Variants in ABCA2 observed in about 807,000 individuals in gnomAD.
ABCA2 encodes the protein ATP-binding cassette sub-family A member 2.
Under a neutral mutation model 262.8 loss-of-function variants are expected in ABCA2, and 84 were observed. The ratio of observed to expected loss-of-function variants is 0.32; its 90% CI spans 0.27 to 0.38. The LOEUF (loss-of-function observed/expected upper bound fraction) is 0.38. Ranked by LOEUF, ABCA2 falls within the 10% of genes least tolerant of loss-of-function variation. The pLI, the probability that ABCA2 is intolerant of heterozygous loss-of-function variation, is 1.00. For missense variants in ABCA2, 2,662 were observed against 3,405.9 expected, an observed-to-expected ratio of 0.78 and a Z score of 5.44; for synonymous variants, 1,696 against 1,502.9, an observed-to-expected ratio of 1.13 and a Z score of -2.97.
At position 137,010,013 on chromosome 9, in the gene ABCA2, C is replaced by G; in HGVS notation, c.6465G>C (p.Leu2155=). 1 of 1,598,720 alleles carries G rather than the reference C, an allele frequency of 6.3e-7. No homozygotes were observed. The highest frequency in any genetic ancestry group is 8.5e-7 in the Non-Finnish European group (1 of 1,174,088). The change falls in exon 42 of 49, where the codon CTG becomes CTC. Residue 2155 remains leucine (L), a synonymous_variant. Transcript: ENST00000341511. ...CCTCGTCCTTCCAGGAGATCCCACG[C>G]AGCCGCGTGTACAGCTGCAGGTGCT... ...AREHLQLYTR[L]RGISWKDEAR...
chr9:137,017,287 A>G lies in ABCA2; in HGVS notation c.2462T>C (p.Ile821Thr). 6.2e-7 allele frequency: 1 copy of G among 1,612,646 alleles called. No individual in the cohort carries two copies. Among genetic ancestry groups the G allele is most frequent in the African/African-American group, 1.3e-5 (1 of 75,016 alleles). The change falls in exon 18 of 49, where the codon ATC becomes ACC. Residue 821 changes from isoleucine to threonine, a missense_variant. Physicochemically the swap from Ile to Thr is moderately conservative, Grantham distance 89. Transcript: ENST00000341511. ...AKLASACGGI[I>T]YFLSYVPYMY... Reference sequence around the variant, plus strand: ...GTAGGGCACGTAGCTCAGGAAGTAGATGATGCCACCGCAGGCCGAGGCCAG... The same window carrying G: ...GTAGGGCACGTAGCTCAGGAAGTAGGTGATGCCACCGCAGGCCGAGGCCAG...
rs1237050506 is a variant in ABCA2 at position 137,022,928 on chromosome 9, G to C, written c.275+13C>G. ...GGAGGGGTGGGTGCTCCGAGGGGCG[G>C]GTGGGCACTCACGTGGAGTTGGCGT... On this transcript the variant is annotated intron_variant, in intron 4 of 48. Transcript: ENST00000341511. 1 of 1,565,928 alleles carries C rather than the reference G, an allele frequency of 6.4e-7. No individual in the cohort carries two copies. Among genetic ancestry groups the C allele is most frequent in the Middle Eastern group, 1.7e-4 (1 of 5,850 alleles).
rs759264367 is a variant in ABCA2 at position 137,018,846 on chromosome 9, G to C, written c.1723-31C>G. The C allele has an allele frequency of 1.9e-6, 3 of 1,612,442 alleles. No homozygotes were observed. In the Admixed American group the frequency reaches 5.0e-5, roughly 27 times the overall value. ...GGGAGGGGCATCGCTGGAGCCCGCC[G>C]TGGGCATGTGCGAGGCAGGGGGTGT... On this transcript the variant is annotated intron_variant, in intron 12 of 48. Coordinates refer to ENST00000341511, the MANE Select transcript of ABCA2 (RefSeq NM_001606.5).
At chr9:137,020,243 A>G (rs1451157616) in intron 10 of ABCA2, 93 bp downstream of exon 10, 3 of 1,559,770 alleles carry the variant, frequency 1.9e-6, no homozygotes, top group Non-Finnish European at 2.6e-6. Context: ...TCCCGTGTCA[A>G]TTCTGCCGAC....
rs779520492 is a variant in ABCA2, at chr9:137,022,345, C to A, written c.567+6G>T. 1 of 1,598,718 alleles carries A rather than the reference C, an allele frequency of 6.3e-7. No homozygotes were observed. The highest frequency in any genetic ancestry group is 1.7e-5 in the Admixed American group (1 of 57,904). ...TGGCCAGGGCTGGGAGCTGTCCCTG[C>A]CTTACCTCGGGCGGGTCCACACGGG... On this transcript the variant is annotated splice_donor_region_variant and intron_variant, in intron 6 of 48. Transcript: ENST00000341511.
At position 137,009,850 on chromosome 9, in the gene ABCA2, C is replaced by T. The variant is rs200580242; in HGVS notation, c.6549G>A (p.Pro2183=). The change falls in exon 43 of 49, where the codon CCG becomes CCA. Residue 2183 remains proline, a synonymous_variant. Transcript: ENST00000341511. ...TGTTGCCGCCGCTGTAGGTGCCAGC[C>T]GGCTTGTCTGCGTACTTGGTCAGCT... ...KLELTKYADK[P]AGTYSGGNKR... 2.9e-5 allele frequency: 47 copies of T among 1,612,450 alleles called. No homozygotes were observed. Among genetic ancestry groups the T allele is most frequent in the African/African-American group, 6.7e-5 (5 of 75,052 alleles).
In ABCA2 at chr9:137,020,981, G is replaced by A; in HGVS notation, c.978C>T (p.Asp326=). The stretch of plus-strand genomic sequence containing the variant: ...GCAGAACCTTCTGGGCATCCAGCAG[G>A]TCCCCCAGAAGCGCCTGCAGCCTCC... ...PPRRLQALLG[D]LLDAQKVLQD... Residue 326 remains aspartate, a synonymous_variant, in exon 9 of 49, where the codon GAC becomes GAT. Transcript: ENST00000341511. The A allele has an allele frequency of 2.0e-6, 3 of 1,536,542 alleles. No homozygotes were observed.
chr9:137,025,082 C>A (rs1831607664), intron 1 of ABCA2, among the ~76,000 whole-genome samples: 1 of 152,240 alleles, frequency 6.6e-6, no homozygotes, highest in South Asian at 2.1e-4. Context: ...CCAAAGGCAC[C>A]TCTTTCTGCC....
intron 23 of ABCA2, 21 bp downstream of exon 23, chr9:137,015,654 C>T (rs1831232265): frequency 1.2e-6 from 2 of 1,609,714 alleles, no homozygotes; most frequent in Non-Finnish European, 1.7e-6. Context: ...CGCACCCCTG[C>T]CCACACGGCA....
rs780992044 is a variant in ABCA2, at chr9:137,008,967, G to A, written c.6914C>T (p.Pro2305Leu). The change falls in exon 46 of 49, where the codon CCG (proline) becomes CTG (leucine). Residue 2305 changes from proline (P) to leucine (L), a missense_variant. By Grantham distance (98) the Pro-to-Leu change is moderately conservative (BLOSUM62 -3). This residue lies in a region of ABCA2 where 212 missense variants were observed against 214.4 expected (regional missense o/e 0.99). Coordinates refer to ENST00000341511, the MANE Select transcript of ABCA2 (RefSeq NM_001606.5). The stretch of plus-strand genomic sequence containing the variant: ...ACGGCGCACCTTGAGCATGGCTTCC[G>A]GGAAGTTGCGGTTGAAGAACCGCAC... ...DVVRFFNRNF[P>L]EAMLKERHHT... 1.9e-6 allele frequency: 3 copies of A among 1,557,616 alleles called. No individual in the cohort carries two copies. Among genetic ancestry groups the A allele is most frequent in the Non-Finnish European group, 2.6e-6 (3 of 1,160,476 alleles).
intron 48 of ABCA2, chr9:137,008,169 C>T (rs1830899445): frequency 3.7e-6 from 3 of 814,170 alleles, no homozygotes; most frequent in African/African-American, 1.7e-5. Context: ...TCCCCTGTTC[C>T]CCGGCTCTGG....
Position 137,007,778 on chromosome 9 carries a change from T to C in ABCA2, c.*151A>G, listed in dbSNP as rs532007169. On this transcript the variant is annotated 3_prime_UTR_variant, in exon 49 of 49. Coordinates refer to ENST00000341511, the MANE Select transcript of ABCA2 (RefSeq NM_001606.5). ...GCAGTGACCACAGGGCATGGCCGAG[T>C]ACAGGGGCTGGAGGACCAGAAGCCC... The C allele has an allele frequency of 2.3e-4, 256 of 1,097,806 alleles. No individual in the cohort carries two copies. The highest frequency in any genetic ancestry group is 1.4e-3 in the Admixed American group (67 of 48,094). The allele number at this position is 1,097,806 out of a possible 1,614,324, so 68.0% of individuals were successfully genotyped here. A position where few individuals can be genotyped will look rare whatever the true frequency, so the allele number is the denominator to read the frequency against.
At chr9:137,022,318 A>G in intron 6 of ABCA2, 33 bp downstream of exon 6, 1 of 1,562,396 alleles carries the variant, frequency 6.4e-7, no homozygotes, top group Non-Finnish European at 8.7e-7. Flanking sequence ...GGCAGAAGGG[A>G]GTGGCCAGGG....
chr9:137,010,590 CAG>C, intron 40 of ABCA2, 28 bp downstream of exon 40: 607 of 1,252,436 alleles, frequency 4.8e-4, no homozygotes, highest in Non-Finnish European at 6.6e-4. Flanking sequence ...CTACCCCACC[CAG>C]GCCCCACCCT....
At chr9:137,008,903 C>CT (rs770097467) in intron 46 of ABCA2, 35 bp from the exon 47 acceptor site, 2 of 1,598,288 alleles carry the variant, frequency 1.3e-6, no homozygotes, top group Non-Finnish European at 1.7e-6. Flanking sequence ...TGGCAGCGCC[C>CT]CCCCACCCCG....
chr9:137,011,113 G>A lies in ABCA2; in HGVS notation c.5924-8C>T, dbSNP rs1831027202. The A allele has an allele frequency of 2.5e-6, 4 of 1,612,268 alleles. No individual in the cohort carries two copies. Among genetic ancestry groups the A allele is most frequent in the Non-Finnish European group, 3.4e-6 (4 of 1,179,780 alleles). On this transcript the variant is annotated splice_region_variant and splice_polypyrimidine_tract_variant and intron_variant, in intron 38 of 48. Transcript: ENST00000341511. This position sits in a 1 kb window ranked among gnomAD's most constrained non-coding sequence, Gnocchi z 8.8. Reference sequence around the variant, plus strand: ...TCATCTTGTCAAACTGGCCTGCGGGGAGACAGCTCAGGGCCTGTGCTCTGG... The same window carrying A: ...TCATCTTGTCAAACTGGCCTGCGGGAAGACAGCTCAGGGCCTGTGCTCTGG...
At chr9:137,015,257 C>G (rs992757809) in intron 24 of ABCA2, among the ~76,000 whole-genome samples, 157 bp downstream of exon 24, 8 of 152,112 alleles carry the variant, frequency 5.3e-5, no homozygotes, top group African/African-American at 1.9e-4. Flanking sequence ...CCCAGCCTCT[C>G]CAAGATACGG....
intron 1 of ABCA2, among the ~76,000 whole-genome samples, chr9:137,026,403 C>T (rs1160826165): frequency 1.3e-5 from 2 of 152,204 alleles, no homozygotes; most frequent in Non-Finnish European, 2.9e-5. Flanking sequence ...CAAGATCCTT[C>T]CCAGGAAAGT....
At chr9:137,017,926 C>T (rs371056814) in intron 15 of ABCA2, 25 bp from the exon 16 acceptor site, 27 of 1,611,958 alleles carry the variant, frequency 1.7e-5, no homozygotes, top group African/African-American at 2.7e-5. Context: ...CGCTCAGGCG[C>T]CACTCAGCCC....
Sources: gnomAD v4.1 joint callset for allele counts (sites outside exome capture counted in the v4.1 genomes callset) on GRCh38, gnomAD v4.1.1 for gene constraint, gnomAD v4.1.1 regional missense constraint, Gnocchi (gnomAD v3.1) non-coding constraint, MANE v1.5 for transcripts, NCBI Gene and HGNC (gene_info 2026-07-23, HGNC 2026-07-21) for gene names.